Variants in STK32C observed in about 807,000 individuals in gnomAD.
The protein encoded by STK32C is serine/threonine kinase 32C.
Under a neutral mutation model 56.5 loss-of-function variants are expected in STK32C, and 31 were observed. The ratio of observed to expected loss-of-function variants is 0.55; its 90% CI spans 0.41 to 0.74. The LOEUF (loss-of-function observed/expected upper bound fraction) is 0.74, where lower values mean the gene tolerates loss of function less well. Ranked by LOEUF, STK32C falls within the 30% of genes least tolerant of loss-of-function variation. The pLI, the probability that STK32C is intolerant of heterozygous loss-of-function variation, is 0.00. For missense variants in STK32C, 544 were observed against 676.9 expected (o/e 0.80, Z 2.18); for synonymous variants, 309 against 289.4 (o/e 1.07, Z -0.69).
intron 1 of STK32C, among the ~76,000 whole-genome samples, chr10:132,277,715 C>A (rs2065032813): frequency 6.6e-6 from 1 of 152,246 alleles, no homozygotes; most frequent in African/African-American, 2.4e-5. Context: ...CGGGGCAAAG[C>A]ATTGTGGGGA....
intron 2 of STK32C, among the ~76,000 whole-genome samples, chr10:132,234,191 G>A (rs1408613082): frequency 6.6e-6 from 1 of 152,120 alleles, no homozygotes; most frequent in East Asian, 1.9e-4. Context: ...TCGAGGACCT[G>A]TGTGCAGGAT....
intron 1 of STK32C, chr10:132,330,549 C>G (rs879071196): frequency 1.4e-6 from 1 of 715,128 alleles, no homozygotes; most frequent in Non-Finnish European, 2.6e-6. Flanking sequence ...TCGCTGTCAC[C>G]GAAGCTGACA....
intron 10 of STK32C, among the ~76,000 whole-genome samples, chr10:132,209,855 G>T (rs1427616723): frequency 1.3e-5 from 2 of 152,150 alleles, no homozygotes; most frequent in African/African-American, 4.8e-5. Context: ...GCCTCGGGTG[G>T]CATTAAAAGG....
chr10:132,217,271 G>T (rs762679438), intron 10 of STK32C, among the ~76,000 whole-genome samples: 2 of 152,246 alleles, frequency 1.3e-5, no homozygotes, highest in African/African-American at 2.4e-5. Context: ...GATTTGACAG[G>T]CCTGCTGGAT....
At chr10:132,239,718 C>A (rs59869720) in intron 2 of STK32C, among the ~76,000 whole-genome samples, 2 of 152,204 alleles carry the variant, frequency 1.3e-5, no homozygotes, top group Non-Finnish European at 2.9e-5. Flanking sequence ...TGCTGGACAT[C>A]GTCAACTTTT....
chr10:132,270,962 C>T (rs980061879), intron 1 of STK32C, among the ~76,000 whole-genome samples: 8 of 152,144 alleles, frequency 5.3e-5, no homozygotes, highest in Non-Finnish European at 1.2e-4. Flanking sequence ...GGGGTGGGGC[C>T]TCACCTCCCA....
rs1415330521 is a variant in STK32C, at chr10:132,255,431, T to C, written c.263-9476A>G. On this transcript the variant is annotated intron_variant, in intron 1 of 11. Transcript: ENST00000298630. This position sits in a 1 kb window ranked among gnomAD's most constrained non-coding sequence, Gnocchi z 4.6. The stretch of plus-strand genomic sequence containing the variant: ...TCACCTCACAGACCCCTCACCCTCT[T>C]GCCATGGCCTGCGGGAACAAAGACC... Among the ~76,000 whole-genome samples the C allele has an allele frequency of 2.0e-5, 3 of 152,000 alleles. No individual in the cohort carries two copies. Among genetic ancestry groups the C allele is most frequent in the African/African-American group, 7.2e-5 (3 of 41,380 alleles).
At chr10:132,282,939 T>G (rs2065261019) in intron 1 of STK32C, among the ~76,000 whole-genome samples, 1 of 152,246 alleles carries the variant, frequency 6.6e-6, no homozygotes, top group Non-Finnish European at 1.5e-5. Context: ...ACAGCCCCTC[T>G]GAGGCTGGGG....
intron 10 of STK32C, among the ~76,000 whole-genome samples, chr10:132,218,215 A>T (rs1267780878): frequency 6.6e-6 from 1 of 152,140 alleles, no homozygotes; most frequent in Non-Finnish European, 1.5e-5. Context: ...CCATTCTGGC[A>T]GCTGGGGCAG....
At chr10:132,272,815 C>T (rs143428079) in intron 1 of STK32C, among the ~76,000 whole-genome samples, 24 of 152,328 alleles carry the variant, frequency 1.6e-4, no homozygotes, top group East Asian at 1.5e-3. Context: ...AGTAATAGCC[C>T]ATGTCCTTCC....
chr10:132,226,211 C>G (rs2062883135), intron 4 of STK32C, among the ~76,000 whole-genome samples: 1 of 152,200 alleles, frequency 6.6e-6, no homozygotes, highest in African/African-American at 2.4e-5. Context: ...ATCCGAGTCC[C>G]CAAGAGCAGA....
At chr10:132,216,149 T>G (rs570169628) in intron 10 of STK32C, among the ~76,000 whole-genome samples, 1 of 152,262 alleles carries the variant, frequency 6.6e-6, no homozygotes, top group Admixed American at 6.5e-5. Context: ...TCAAAAAATT[T>G]GCAACCTGAC....
chr10:132,225,714 C>G, intron 5 of STK32C, 33 bp downstream of exon 5: 1 of 1,613,784 alleles, frequency 6.2e-7, no homozygotes, highest in South Asian at 1.1e-5. Context: ...CTGCCACCAC[C>G]CACCTGGGCT....
At chr10:132,238,867 G>A (rs2063395495) in intron 2 of STK32C, among the ~76,000 whole-genome samples, 1 of 152,008 alleles carries the variant, frequency 6.6e-6, no homozygotes, top group South Asian at 2.1e-4. Flanking sequence ...GCACACACAC[G>A]TTCATGTACA....
At chr10:132,278,122 A>C (rs537675985) in intron 1 of STK32C, among the ~76,000 whole-genome samples, 4 of 151,906 alleles carry the variant, frequency 2.6e-5, no homozygotes, top group Non-Finnish European at 5.9e-5. Flanking sequence ...CTCTCTGCAG[A>C]CTCTGCCCTC....
chr10:132,298,036 G>A (rs1329864050), intron 1 of STK32C, among the ~76,000 whole-genome samples: 1 of 152,240 alleles, frequency 6.6e-6, no homozygotes, highest in Non-Finnish European at 1.5e-5. Flanking sequence ...GGGGTTAGAG[G>A]TGGCTGAGAG....
At position 132,233,202 on chromosome 10, in the gene STK32C, C is replaced by A. The variant is rs570074060; in HGVS notation, c.319-5074G>T. ...ACGGGGCTGGAGAAGGTGTCTGCAG[C>A]GGCTGAAGAAGGTGCAGCCCAGTAT... On this transcript the variant is annotated intron_variant, in intron 2 of 11. Transcript: ENST00000298630. Among the ~76,000 whole-genome samples the A allele has an allele frequency of 1.4e-4, 22 of 152,224 alleles. No homozygotes were observed. The East Asian group carries it at 3.7e-3, about 25-fold the overall frequency.
chr10:132,294,182 G>A (rs112190608), intron 1 of STK32C, among the ~76,000 whole-genome samples: 67 of 152,294 alleles, frequency 4.4e-4, no homozygotes, highest in African/African-American at 1.6e-3. Context: ...TGTGGGTGGA[G>A]CGGGAGGTGA....
At chr10:132,299,764 G>C (rs1194757601) in intron 1 of STK32C, among the ~76,000 whole-genome samples, 1 of 152,222 alleles carries the variant, frequency 6.6e-6, no homozygotes, top group East Asian at 1.9e-4. Context: ...CAGAAAAGTG[G>C]AACAATGTGT....
Sources: allele counts gnomAD v4.1 joint callset (sites outside exome capture counted in the v4.1 genomes callset), GRCh38; gene constraint gnomAD v4.1.1; non-coding constraint Gnocchi (gnomAD v3.1); transcripts MANE v1.5; gene names NCBI Gene and HGNC (gene_info 2026-07-23, HGNC 2026-07-21).